Variants in SLX4IP observed in about 807,000 individuals in gnomAD.
SLX4IP encodes the protein protein SLX4IP.
In SLX4IP, 34 loss-of-function variants were observed where a neutral mutation model predicts 32.9. The ratio of observed to expected loss-of-function variants is 1.03; its 90% CI spans 0.79 to 1.38. The LOEUF (loss-of-function observed/expected upper bound fraction) is 1.38, where lower values mean the gene tolerates loss of function less well. Among genes scored for constraint, SLX4IP ranks in the 40% most tolerant of loss-of-function variants. The probability of loss-of-function intolerance (pLI) is 0.00; values close to 1 mark genes in which losing one functional copy is unlikely to be tolerated. For synonymous variants in SLX4IP, 172 were observed against 171.7 expected, an observed-to-expected ratio of 1.00 and a Z score of -0.01; for missense variants, 444 against 479.0, an observed-to-expected ratio of 0.93 and a Z score of 0.68.
At chr20:10,520,644 A>T (rs1299924987) in intron 2 of SLX4IP, among the ~76,000 whole-genome samples, 2 of 152,130 alleles carry the variant, frequency 1.3e-5, no homozygotes, top group Non-Finnish European at 2.9e-5. Flanking sequence ...TAGAGTTTTC[A>T]TTCTTAAATT....
At chr20:10,592,849 G>C (rs977024198) in intron 4 of SLX4IP, among the ~76,000 whole-genome samples, 2 of 151,890 alleles carry the variant, frequency 1.3e-5, no homozygotes, top group African/African-American at 4.8e-5. Flanking sequence ...AGCCAGGATG[G>C]TCTCGATCTC....
At chr20:10,585,080 T>C (rs2066630224) in intron 4 of SLX4IP, among the ~76,000 whole-genome samples, 1 of 152,176 alleles carries the variant, frequency 6.6e-6, no homozygotes, top group Non-Finnish European at 1.5e-5. Context: ...CACAATGATC[T>C]TTCTTTAATT....
chr20:10,496,555 T>A (rs1057066490), intron 2 of SLX4IP, among the ~76,000 whole-genome samples: 2 of 152,124 alleles, frequency 1.3e-5, no homozygotes, highest in African/African-American at 4.8e-5. Flanking sequence ...TATCATCCCA[T>A]AACTTGGGGG....
At chr20:10,478,334 C>G (rs2065492152) in intron 2 of SLX4IP, among the ~76,000 whole-genome samples, 3 of 152,176 alleles carry the variant, frequency 2.0e-5, no homozygotes, top group Admixed American at 2.0e-4. Context: ...GTTTAGTTCT[C>G]ACAACACTGT....
chr20:10,507,785 A>G (rs2065771673), intron 2 of SLX4IP, among the ~76,000 whole-genome samples: 2 of 152,064 alleles, frequency 1.3e-5, no homozygotes, highest in Admixed American at 6.5e-5. Context: ...ACAGCACTTT[A>G]TGCCAACCAC....
Position 10,591,962 on chromosome 20 carries a change from A to G in SLX4IP, c.239-6713A>G, listed in dbSNP as rs6040035. On this transcript the variant is annotated intron_variant, in intron 4 of 7. Coordinates refer to ENST00000334534, the MANE Select transcript of SLX4IP (RefSeq NM_001009608.3). ...ACATGTGCCCTCTGGCATTACCTAC[A>G]AAGTCAAAAGGGTGACAGGCAGAAA... Among the ~76,000 whole-genome samples the G allele has an allele frequency of 4.3e-3, 652 of 152,364 alleles. 9 individuals carry two copies. The highest frequency in any genetic ancestry group is 0.015 in the African/African-American group (616 of 41,586).
intron 4 of SLX4IP, among the ~76,000 whole-genome samples, chr20:10,565,334 G>A (rs2066379751): frequency 6.6e-6 from 1 of 152,162 alleles, no homozygotes; most frequent in Admixed American, 6.5e-5. Context: ...TAGGATCTCG[G>A]GGAGTGCTGG....
intron 2 of SLX4IP, among the ~76,000 whole-genome samples, chr20:10,487,948 T>C (rs1600922034): frequency 6.6e-6 from 1 of 152,154 alleles, no homozygotes; most frequent in South Asian, 2.1e-4. Flanking sequence ...CATTGTCCTT[T>C]GTGAGATATC....
chr20:10,623,163 A>G lies in SLX4IP; in HGVS notation c.1011A>G (p.Ser337=). 8 of 1,614,252 alleles carry G rather than the reference A, an allele frequency of 5.0e-6. No homozygotes were observed. Among genetic ancestry groups the G allele is most frequent in the East Asian group, 4.5e-5 (2 of 44,886 alleles). Residue 337 remains serine (S), a synonymous_variant, in exon 8 of 8, where the codon TCA becomes TCG. Transcript: ENST00000334534. ...AAGCTGTCAGGGTTTTGCCAGCTTC[A>G]GAGTTGTCAGATCCAGGGTTACTTT... is the stretch of plus-strand genomic sequence containing the variant. The part of the protein sequence containing the change: ...KSKAVRVLPA[S]ELSDPGLLLK...
intron 2 of SLX4IP, among the ~76,000 whole-genome samples, chr20:10,485,367 C>T: frequency 6.6e-6 from 1 of 152,092 alleles, no homozygotes; most frequent in East Asian, 1.9e-4. Flanking sequence ...CTTTGGGAGG[C>T]TGAGGCTGGC....
intron 2 of SLX4IP, among the ~76,000 whole-genome samples, chr20:10,550,421 C>A (rs1002187026): frequency 1.3e-5 from 2 of 152,114 alleles, no homozygotes; most frequent in Admixed American, 1.3e-4. Flanking sequence ...TCACCCTTGT[C>A]CTTCCTCTCC....
intron 1 of SLX4IP, among the ~76,000 whole-genome samples, chr20:10,442,359 A>C (rs1347113866): frequency 6.6e-6 from 1 of 152,192 alleles, no homozygotes; most frequent in African/African-American, 2.4e-5. Context: ...TTAATTTTTT[A>C]AAGCTCTTAG....
chr20:10,548,996 T>C (rs927844219), intron 2 of SLX4IP, among the ~76,000 whole-genome samples: 1 of 152,202 alleles, frequency 6.6e-6, no homozygotes, highest in African/African-American at 2.4e-5. Context: ...GTATGCTGGT[T>C]CCCTTTCTTA....
At chr20:10,501,090 C>A (rs1600934824) in intron 2 of SLX4IP, among the ~76,000 whole-genome samples, 1 of 152,014 alleles carries the variant, frequency 6.6e-6, no homozygotes, top group Non-Finnish European at 1.5e-5. Flanking sequence ...GGAATTACAC[C>A]TGAAAATAAA....
At chr20:10,498,051 T>A (rs564545796) in intron 2 of SLX4IP, among the ~76,000 whole-genome samples, 1 of 151,628 alleles carries the variant, frequency 6.6e-6, no homozygotes, top group South Asian at 2.1e-4. Flanking sequence ...TTGGGATACA[T>A]CTATAATTCA....
chr20:10,589,614 T>C (rs187124610), intron 4 of SLX4IP, among the ~76,000 whole-genome samples: 1 of 152,320 alleles, frequency 6.6e-6, no homozygotes, highest in Admixed American at 6.5e-5. Context: ...GATCTTCTGT[T>C]GAATACTCAA....
At chr20:10,556,200 A>G (rs758698480) in intron 2 of SLX4IP, 31 bp from the exon 3 acceptor site, 3 of 1,591,320 alleles carry the variant, frequency 1.9e-6, no homozygotes, top group Middle Eastern at 1.7e-4. Context: ...TGAGCCGCAC[A>G]GACACTGACT....
Position 10,598,743 on chromosome 20 carries a change from C to G in SLX4IP, c.307C>G (p.Gln103Glu). 6.2e-7 allele frequency: 1 copy of G among 1,614,086 alleles called. No homozygotes were observed. The highest frequency in any genetic ancestry group is 8.5e-7 in the Non-Finnish European group (1 of 1,179,960). ...GIRLRCIRST[Q>E]NAELCVFPDR... ...ACGCCTTCGCTGCATCAGGAGCACA[C>G]AGAATGCTGGTAAGAAGCCGATTTC... Residue 103 changes from glutamine (Q) to glutamate (E), a missense_variant, in exon 5 of 8, where the codon CAG (glutamine) becomes GAG (glutamate). Coordinates refer to ENST00000334534, the MANE Select transcript of SLX4IP (RefSeq NM_001009608.3).
intron 2 of SLX4IP, among the ~76,000 whole-genome samples, chr20:10,528,728 T>C (rs1600966729): frequency 6.6e-6 from 1 of 152,084 alleles, no homozygotes. Context: ...GAGAAAATCT[T>C]TGATACCCAT....
Sources: gnomAD v4.1 joint callset for allele counts (sites outside exome capture counted in the v4.1 genomes callset) on GRCh38, gnomAD v4.1.1 for gene constraint, MANE v1.5 for transcripts, NCBI Gene and HGNC (gene_info 2026-07-23, HGNC 2026-07-21) for gene names.